Variants in SLC16A6 observed in about 807,000 individuals in gnomAD.
The protein encoded by SLC16A6 is monocarboxylate transporter 7.
Under a neutral mutation model 33.8 loss-of-function variants are expected in SLC16A6, and 15 were observed. The observed-to-expected ratio is 0.44, with a 90% CI of 0.30 to 0.68. The LOEUF (loss-of-function observed/expected upper bound fraction) is 0.68, where lower values mean the gene tolerates loss of function less well. Among genes scored for constraint, SLC16A6 ranks in the 30% least tolerant of loss-of-function variants. The probability of loss-of-function intolerance (pLI) is 0.10; values close to 1 mark genes in which losing one functional copy is unlikely to be tolerated. For missense variants in SLC16A6, 451 were observed against 661.5 expected (o/e 0.68, Z 3.49); for synonymous variants, 219 against 248.4 (o/e 0.88, Z 1.11).
In SLC16A6 at chr17:68,270,957, C is replaced by T. The variant is rs782246994; in HGVS notation, c.1203G>A (p.Gly401=). The change falls in exon 5 of 6, where the codon GGG becomes GGA. Residue 401 remains glycine (G), a synonymous_variant. Coordinates refer to ENST00000580666, the MANE Select transcript of SLC16A6 (RefSeq NM_004694.5). ...CCTCAGCAAGCAGTGGAATGTGAGT[C>T]CCTCCTATTGTTCCAACCATAAACC... The part of the protein sequence containing the change: ...FFGFMVGTIG[G]THIPLLAEDD... 1 of 1,614,142 alleles carries T rather than the reference C, an allele frequency of 6.2e-7. No individual in the cohort carries two copies. The highest frequency in any genetic ancestry group is 1.7e-5 in the Admixed American group (1 of 60,010).
chr17:68,273,128 A>G (rs1294405397), intron 3 of SLC16A6, among the ~76,000 whole-genome samples: 1 of 152,176 alleles, frequency 6.6e-6, no homozygotes, highest in Non-Finnish European at 1.5e-5. Context: ...TACAGGAAAA[A>G]TTTAAAGTCT....
At chr17:68,287,471 T>C (rs2075867725) in intron 1 of SLC16A6, among the ~76,000 whole-genome samples, 1 of 152,162 alleles carries the variant, frequency 6.6e-6, no homozygotes, top group Non-Finnish European at 1.5e-5. Context: ...GATGGTGGAC[T>C]ATTCATTTCT....
chr17:68,268,902 A>C lies in SLC16A6; in HGVS notation c.*194T>G, dbSNP rs2075237296. 4 of 399,282 alleles carry C rather than the reference A, an allele frequency of 1.0e-5. No homozygotes were observed. The highest frequency in any genetic ancestry group is 7.0e-5 in the South Asian group (1 of 14,338). 24.7% of individuals were successfully genotyped at this position (399,282 alleles called of 1,614,324 possible). The stretch of plus-strand genomic sequence containing the variant: ...TTTTGTTTTGGCTTTAAAAACAAGC[A>C]AAAAAAAAAAGCTTAAAACAAAACA... On this transcript the variant is annotated 3_prime_UTR_variant, in exon 6 of 6. Coordinates refer to ENST00000580666, the MANE Select transcript of SLC16A6 (RefSeq NM_004694.5).
At chr17:68,280,764 C>G (rs1218386582) in intron 1 of SLC16A6, among the ~76,000 whole-genome samples, 1 of 152,106 alleles carries the variant, frequency 6.6e-6, no homozygotes, top group African/African-American at 2.4e-5. Flanking sequence ...AGAGCACACA[C>G]AACAAAAGCA....
chr17:68,271,145 C>A lies in SLC16A6; in HGVS notation c.1015G>T (p.Ala339Ser). ...AAFLLSTMAI[A>S]EVFGRIGAGF... ...GCTCCGATCCTTCCGAAAACTTCTG[C>A]AATGGCCATCGTAGATAATAAAAAA... The change falls in exon 5 of 6, where the codon GCA becomes TCA. Residue 339 changes from alanine (A) to serine (S), a missense_variant. Ala to Ser is a moderately conservative substitution (Grantham distance 99, BLOSUM62 1). Transcript: ENST00000580666. The surrounding 1 kb of genome is among the most constrained non-coding windows in gnomAD (Gnocchi z 5.3). 2 of 1,614,166 alleles carry A rather than the reference C, an allele frequency of 1.2e-6. No homozygotes were observed. Among genetic ancestry groups the A allele is most frequent in the Non-Finnish European group, 1.7e-6 (2 of 1,180,044 alleles).
At position 68,271,273 on chromosome 17, in the gene SLC16A6, C is replaced by A. The variant is rs1555748588; in HGVS notation, c.887G>T (p.Cys296Phe). ...TGCAAAGAGACCAAATAATGCATAA[C>A]AAATAAAACTTTTCTCTTTCAAAAT... ...FSILKEKSFI[C>F]YALFGLFATL... The change falls in exon 5 of 6, where the codon TGT becomes TTT. Residue 296 changes from cysteine (C) to phenylalanine (F), a missense_variant. By Grantham distance (205) the Cys-to-Phe change is radical. Around this residue, in one of 2 missense-constraint regions of SLC16A6, gnomAD observed 405 missense variants for 510.7 expected, o/e 0.79. Transcript: ENST00000580666. This position sits in a 1 kb window ranked among gnomAD's most constrained non-coding sequence, Gnocchi z 5.3. 1.2e-6 allele frequency: 2 copies of A among 1,614,104 alleles called. No homozygotes were observed. The highest frequency in any genetic ancestry group is 3.3e-5 in the Admixed American group (2 of 60,006).
rs2075233559 is a variant in SLC16A6, at chr17:68,268,800, CAA to C, written c.*294_*295del. ...ACTATTTTAATATCGGAATGTGAACCAAAGAGTCTTTCTACATATCTCTTGTA... is the reference window on the plus strand; with the variant it reads ...ACTATTTTAATATCGGAATGTGAACCAGAGTCTTTCTACATATCTCTTGTA... On this transcript the variant is annotated 3_prime_UTR_variant, in exon 6 of 6. Transcript: ENST00000580666. The C allele has an allele frequency of 5.7e-6, 2 of 352,484 alleles. No homozygotes were observed. Among genetic ancestry groups the C allele is most frequent in the Non-Finnish European group, 1.0e-5 (2 of 200,088 alleles). 21.8% of individuals were successfully genotyped at this position (352,484 alleles called of 1,614,324 possible). A position where few individuals can be genotyped will look rare whatever the true frequency, so the allele number is the denominator to read the frequency against.
chr17:68,274,946 G>A (rs373629537), intron 2 of SLC16A6, among the ~76,000 whole-genome samples: 1 of 152,084 alleles, frequency 6.6e-6, no homozygotes, highest in African/African-American at 2.4e-5. Flanking sequence ...ATGCCCGGCT[G>A]ATTGTGTATT....
intron 1 of SLC16A6, among the ~76,000 whole-genome samples, chr17:68,287,535 C>T (rs1404652187): frequency 6.6e-6 from 1 of 152,052 alleles, no homozygotes; most frequent in Non-Finnish European, 1.5e-5. Flanking sequence ...TTTTAAAAAA[C>T]TCTGCTTTAT....
At chr17:68,286,734 A>T (rs1362785921) in intron 1 of SLC16A6, among the ~76,000 whole-genome samples, 1 of 152,068 alleles carries the variant, frequency 6.6e-6, no homozygotes, top group Non-Finnish European at 1.5e-5. Context: ...CGAACTCCTG[A>T]CCTCAAGTGA....
chr17:68,277,108 A>G (rs1202643272), intron 2 of SLC16A6, among the ~76,000 whole-genome samples: 1 of 152,006 alleles, frequency 6.6e-6, no homozygotes, highest in Non-Finnish European at 1.5e-5. Flanking sequence ...GAATTATGAG[A>G]TTGGGGCCTG....
chr17:68,269,968 C>T (rs1308774914), intron 5 of SLC16A6, among the ~76,000 whole-genome samples: 5 of 152,084 alleles, frequency 3.3e-5, no homozygotes, highest in African/African-American at 7.2e-5. Flanking sequence ...CCACTGCGCC[C>T]GGCCCGTTTT....
intron 2 of SLC16A6, among the ~76,000 whole-genome samples, chr17:68,276,852 A>G (rs2075539640): frequency 6.6e-6 from 1 of 152,208 alleles, no homozygotes; most frequent in Non-Finnish European, 1.5e-5. Flanking sequence ...CCTGGCATGT[A>G]TATTCAATAG....
Position 68,271,367 on chromosome 17 carries a change from T to G in SLC16A6, c.793A>C (p.Met265Leu), listed in dbSNP as rs138318896. The change falls in exon 5 of 6, where the codon ATG (methionine) becomes CTG (leucine). Residue 265 changes from methionine (M) to leucine (L), a missense_variant. By Grantham distance (15) the Met-to-Leu change is conservative. Coordinates refer to ENST00000580666, the MANE Select transcript of SLC16A6 (RefSeq NM_004694.5). The surrounding 1 kb of genome is among the most constrained non-coding windows in gnomAD (Gnocchi z 5.3). ...CTGGTCTTCACCAGGACCTGCTGCA[T>G]GTCGGCCTTCGGCTCCAGTTCCAGG... ...TNLELEPKAD[M>L]QQVLVKTSPR... The G allele has an allele frequency of 1.6e-4, 263 of 1,613,526 alleles. 2 individuals are homozygous for G. The highest frequency in any genetic ancestry group is 2.4e-4 in the East Asian group (11 of 44,900).
intron 1 of SLC16A6, among the ~76,000 whole-genome samples, chr17:68,284,907 A>G (rs1266339508): frequency 1.3e-5 from 2 of 152,240 alleles, no homozygotes; most frequent in African/African-American, 2.4e-5. Context: ...TCTGAGGTCT[A>G]TTTCTCTTTG....
chr17:68,284,678 T>C (rs1234179876), intron 1 of SLC16A6, among the ~76,000 whole-genome samples: 3 of 152,230 alleles, frequency 2.0e-5, no homozygotes, highest in African/African-American at 7.2e-5. Flanking sequence ...AAGCAGCAAA[T>C]CTGATCTAAC....
chr17:68,272,517 A>G, intron 4 of SLC16A6, 122 bp downstream of exon 4: 1 of 1,142,074 alleles, frequency 8.8e-7, no homozygotes, highest in Admixed American at 2.2e-5. Flanking sequence ...AGAGACGTAA[A>G]TAACGTCTCA....
At chr17:68,282,801 G>A (rs1233784071) in intron 1 of SLC16A6, among the ~76,000 whole-genome samples, 2 of 61,918 alleles carry the variant, frequency 3.2e-5, no homozygotes, top group African/African-American at 2.0e-4. Flanking sequence ...AAAAAAAAAA[G>A]GCCAGGTGTG....
At chr17:68,290,104 T>C (rs960794738) in intron 1 of SLC16A6, among the ~76,000 whole-genome samples, 4 of 152,216 alleles carry the variant, frequency 2.6e-5, no homozygotes, top group Non-Finnish European at 2.9e-5. Flanking sequence ...ATCAGATCAC[T>C]GAGAAATCTC....
Sources: gnomAD v4.1 joint callset for allele counts (sites outside exome capture counted in the v4.1 genomes callset) on GRCh38, gnomAD v4.1.1 for gene constraint, gnomAD v4.1.1 regional missense constraint, Gnocchi (gnomAD v3.1) non-coding constraint, MANE v1.5 for transcripts, NCBI Gene and HGNC (gene_info 2026-07-23, HGNC 2026-07-21) for gene names.